The following CCDC7 variants were observed in gnomAD, a reference collection of about 807,000 sequenced individuals.
The protein encoded by CCDC7 is coiled-coil domain-containing protein 7.
Under a neutral mutation model 196.9 loss-of-function variants are expected in CCDC7, and 183 were observed. The ratio of observed to expected loss-of-function variants is 0.93; its 90% confidence interval spans 0.82 to 1.05. CCDC7 has a LOEUF of 1.05. Ranked by LOEUF, CCDC7 falls within the 50% of genes least tolerant of loss-of-function variation. CCDC7 has a pLI of 0.00. For missense variants in CCDC7, 1,540 were observed against 1,482.2 expected, an observed-to-expected ratio of 1.04 and a Z score of -0.64; for synonymous variants, 525 against 484.6, an observed-to-expected ratio of 1.08 and a Z score of -1.10.
chr10:32,785,944 G>A (rs2081795889), intron 29 of CCDC7, among the ~76,000 whole-genome samples: 1 of 152,116 alleles, frequency 6.6e-6, no homozygotes, highest in African/African-American at 2.4e-5. Context: ...ATATAGTGCT[G>A]TTAATACCTG....
intron 21 of CCDC7, among the ~76,000 whole-genome samples, chr10:32,671,159 G>A (rs2073986738): frequency 6.6e-6 from 1 of 151,986 alleles, no homozygotes; most frequent in Admixed American, 6.6e-5. Context: ...AATGTCCTAG[G>A]CCTTGACATT....
chr10:32,689,645 C>T (rs1049718413), intron 23 of CCDC7, among the ~76,000 whole-genome samples: 1 of 152,122 alleles, frequency 6.6e-6, no homozygotes, highest in Non-Finnish European at 1.5e-5. Flanking sequence ...AACAGAATTT[C>T]TGGTAACCCC....
At chr10:32,843,559 T>G (rs746837616) in intron 33 of CCDC7, among the ~76,000 whole-genome samples, 1 of 151,994 alleles carries the variant, frequency 6.6e-6, no homozygotes, top group Non-Finnish European at 1.5e-5. Context: ...AGGATCATAT[T>G]TAAAAAGAAT....
chr10:32,870,026 C>T (rs540245262), intron 41 of CCDC7, among the ~76,000 whole-genome samples: 3 of 152,038 alleles, frequency 2.0e-5, no homozygotes, highest in East Asian at 1.9e-4. Context: ...AGTCAGGTAG[C>T]GTGATGCCTC....
intron 20 of CCDC7, among the ~76,000 whole-genome samples, chr10:32,655,138 C>G (rs376540993): frequency 8.5e-5 from 13 of 152,128 alleles, no homozygotes; most frequent in African/African-American, 3.1e-4. Context: ...TGGGGATCCT[C>G]AAACTTATTT....
At chr10:32,727,778 G>C (rs2083341843) in intron 26 of CCDC7, among the ~76,000 whole-genome samples, 1 of 152,070 alleles carries the variant, frequency 6.6e-6, no homozygotes, top group African/African-American at 2.4e-5. Flanking sequence ...TTTCAGTTAA[G>C]TTCTGGATTT....
In CCDC7 at chr10:32,725,292, C is replaced by T. The variant is rs1460041172; in HGVS notation, c.2570-1442C>T. ...ATACTTTGAAACTTTTACAAAATTGCTTAGCATATACTACTACAAAAACAA... is the reference window on the plus strand; with the variant it reads ...ATACTTTGAAACTTTTACAAAATTGTTTAGCATATACTACTACAAAAACAA... On this transcript the variant is annotated intron_variant, in intron 25 of 41. Transcript: ENST00000639629. 12 of 469,614 alleles carry T rather than the reference C, an allele frequency of 2.6e-5. No homozygotes were observed. In the East Asian group the frequency reaches 8.3e-4, roughly 33 times the overall value. 29.1% of individuals were successfully genotyped at this position (469,614 alleles called of 1,614,324 possible). A position where few individuals can be genotyped will look rare whatever the true frequency, so the allele number is the denominator to read the frequency against.
intron 21 of CCDC7, among the ~76,000 whole-genome samples, chr10:32,678,931 G>A (rs2075435820): frequency 1.3e-5 from 2 of 152,010 alleles, no homozygotes; most frequent in South Asian, 2.1e-4. Flanking sequence ...CTTCATTTTT[G>A]TGGAAGAAAG....
At chr10:32,604,791 TG>T (rs1243680189) in intron 18 of CCDC7, among the ~76,000 whole-genome samples, 1 of 152,210 alleles carries the variant, frequency 6.6e-6, no homozygotes, top group Non-Finnish European at 1.5e-5. Flanking sequence ...ATAAATTTAT[TG>T]AATTCATTGA....
intron 16 of CCDC7, among the ~76,000 whole-genome samples, chr10:32,578,716 C>T (rs1434652806): frequency 6.6e-6 from 1 of 152,110 alleles, no homozygotes; most frequent in South Asian, 2.1e-4. Context: ...ACTCGCCACT[C>T]ACCTCCTGTT....
chr10:32,674,819 G>A (rs1383469119), intron 21 of CCDC7, among the ~76,000 whole-genome samples: 1 of 151,866 alleles, frequency 6.6e-6, no homozygotes, highest in Non-Finnish European at 1.5e-5. Context: ...CATTTTAATG[G>A]TGAATTGACC....
intron 41 of CCDC7, among the ~76,000 whole-genome samples, chr10:32,868,735 A>G (rs2094307654): frequency 9.8e-6 from 1 of 101,986 alleles, no homozygotes; most frequent in African/African-American, 3.8e-5. Flanking sequence ...CACCCCACAA[A>G]AGGCCCTGGC....
At chr10:32,544,009 A>C (rs889421160) in intron 12 of CCDC7, among the ~76,000 whole-genome samples, 6 of 152,114 alleles carry the variant, frequency 3.9e-5, no homozygotes, top group Non-Finnish European at 1.5e-5. Flanking sequence ...AAAAATGACC[A>C]ATATGCTTTG....
At chr10:32,521,204 C>T (rs2047826254) in intron 11 of CCDC7, among the ~76,000 whole-genome samples, 1 of 151,934 alleles carries the variant, frequency 6.6e-6, no homozygotes, top group Admixed American at 6.6e-5. Context: ...TATTCTGGGG[C>T]TTTTGCGATT....
At chr10:32,878,255 T>A (rs906051181), downstream of CCDC7, among the ~76,000 whole-genome samples, 1 of 152,102 alleles carries the variant, frequency 6.6e-6, no homozygotes, top group Non-Finnish European at 1.5e-5. Context: ...AATAATCCTA[T>A]GTGGCTTGTG....
rs192402898 is a variant in CCDC7, at chr10:32,766,240, C to A, written c.2906-12737C>A. Among the ~76,000 whole-genome samples the A allele has an allele frequency of 1.2e-3, 178 of 152,106 alleles. 1 individual carries two copies. Among genetic ancestry groups the A allele is most frequent in the African/African-American group, 4.0e-3 (167 of 41,520 alleles). ...ATAAGGAAAAATTGTTGCATCTGGC[C>A]TCTCCTACTACCCAAAAAAACAGGT... On this transcript the variant is annotated intron_variant, in intron 28 of 41. Transcript: ENST00000639629.
chr10:32,758,926 A>C (rs1232694595), intron 28 of CCDC7, among the ~76,000 whole-genome samples: 1 of 152,188 alleles, frequency 6.6e-6, no homozygotes, highest in East Asian at 1.9e-4. Flanking sequence ...AGTGTGCAAA[A>C]ATCACAAACA....
At chr10:32,760,507 A>T (rs1287682246) in intron 28 of CCDC7, among the ~76,000 whole-genome samples, 2 of 152,084 alleles carry the variant, frequency 1.3e-5, no homozygotes, top group Non-Finnish European at 1.5e-5. Flanking sequence ...AAAAAACCAA[A>T]CACCGCATAT....
At chr10:32,834,792 G>A (rs777641938) in intron 32 of CCDC7, 23 bp from the exon 34 acceptor site, 1 of 1,177,478 alleles carries the variant, frequency 8.5e-7, no homozygotes, top group East Asian at 2.4e-5. Context: ...AAAGCGTTTT[G>A]AAAACCTGTT....
Sources: allele counts gnomAD v4.1 joint callset (sites outside exome capture counted in the v4.1 genomes callset), GRCh38; gene constraint gnomAD v4.1.1; transcripts MANE v1.5; gene names NCBI Gene and HGNC (gene_info 2026-07-23, HGNC 2026-07-21).